The following PHF14 variants were observed in gnomAD, a reference collection of about 807,000 sequenced individuals.
PHF14 encodes the protein PHD finger protein 14.
In PHF14, 55 loss-of-function variants were observed where a neutral mutation model predicts 117.9. That is an observed-to-expected ratio of 0.47 (90% CI 0.38 to 0.58). PHF14 has a LOEUF of 0.58. Among genes scored for constraint, PHF14 ranks in the 20% least tolerant of loss-of-function variants. The pLI, the probability that PHF14 is intolerant of heterozygous loss-of-function variation, is 0.00. For synonymous variants in PHF14, 409 were observed against 368.6 expected (o/e 1.11, Z -1.26); for missense variants, 978 against 1,122.2 (o/e 0.87, Z 1.84).
rs115349983 is a variant in PHF14, at chr7:11,104,433, G to A, written c.2655-6917G>A. 2,153 of 958,328 alleles carry A rather than the reference G, an allele frequency of 2.2e-3. 36 individuals carry two copies. In the African/African-American group the frequency reaches 0.035, roughly 16 times the overall value. The allele number at this position is 958,328 out of a possible 1,614,324, so 59.4% of individuals were successfully genotyped here. The stretch of plus-strand genomic sequence containing the variant: ...CATATCCACAGTATAAAATTATTCC[G>A]TGTCCATAATCGGTCCAACTACTAT... On this transcript the variant is annotated intron_variant, in intron 16 of 17. Transcript: ENST00000634607.
intron 2 of PHF14, among the ~76,000 whole-genome samples, chr7:10,979,903 A>G (rs7792307): frequency 6.6e-6 from 1 of 152,116 alleles, no homozygotes; most frequent in Non-Finnish European, 1.5e-5. Flanking sequence ...TGGGTAAGCT[A>G]TTAGGAGTTG....
intron 4 of PHF14, among the ~76,000 whole-genome samples, chr7:10,995,188 A>G (rs894587846): frequency 2.0e-5 from 3 of 151,960 alleles, no homozygotes; most frequent in African/African-American, 7.3e-5. Flanking sequence ...TGTATTTACA[A>G]TCCCTTAGCT....
Position 11,042,657 on chromosome 7 carries a change from TCTTTACTTGCTGC to T in PHF14, c.2181-20_2181-8del. 6.6e-7 allele frequency: 1 copy of T among 1,506,178 alleles called. No homozygotes were observed. Among genetic ancestry groups the T allele is most frequent in the South Asian group, 1.3e-5 (1 of 78,726 alleles). 93.3% of individuals were successfully genotyped at this position (1,506,178 alleles called of 1,614,324 possible). ...TTCACTATGATAATTATTATTGAAA[TCTTTACTTGCTGC>T]CTTTATTAAAAGTTGTGGGATTTGT... On this transcript the variant is annotated splice_polypyrimidine_tract_variant and intron_variant, in intron 12 of 17. Coordinates refer to ENST00000634607, the MANE Select transcript of PHF14 (RefSeq NM_001007157.2).
At position 11,138,072 on chromosome 7, in the gene PHF14, C is replaced by G. The variant is rs541124614; in HGVS notation, c.2772+26605C>G. ...TTTTTTTTGAGACGGAGTCTTTGCT[C>G]TGTCACCCAGCAGGCTGGAGTGCAG... is the stretch of plus-strand genomic sequence containing the variant. On this transcript the variant is annotated intron_variant, in intron 17 of 17. Coordinates refer to ENST00000634607, the MANE Select transcript of PHF14 (RefSeq NM_001007157.2). Among the ~76,000 whole-genome samples the G allele has an allele frequency of 3.4e-5, 5 of 149,142 alleles. No homozygotes were observed. In the South Asian group the frequency reaches 8.4e-4, roughly 25 times the overall value.
chr7:11,115,760 C>G (rs1191797836), intron 17 of PHF14, among the ~76,000 whole-genome samples: 1 of 151,944 alleles, frequency 6.6e-6, no homozygotes, highest in Admixed American at 6.6e-5. Flanking sequence ...TTTCTTTTGT[C>G]TTGAATCTGG....
chr7:11,048,650 A>G (rs1028947438), intron 13 of PHF14, among the ~76,000 whole-genome samples: 4 of 152,218 alleles, frequency 2.6e-5, no homozygotes, highest in African/African-American at 9.6e-5. Context: ...ATTTCTTACC[A>G]TCTTGTGTAC....
At chr7:11,050,018 T>C (rs1178227044) in intron 13 of PHF14, among the ~76,000 whole-genome samples, 1 of 152,232 alleles carries the variant, frequency 6.6e-6, no homozygotes, top group Admixed American at 6.5e-5. Flanking sequence ...TATTCTTAAA[T>C]AATTGGAAAT....
chr7:11,133,118 G>T (rs1478414906), intron 17 of PHF14, among the ~76,000 whole-genome samples: 1 of 151,872 alleles, frequency 6.6e-6, no homozygotes, highest in Non-Finnish European at 1.5e-5. Flanking sequence ...TTTTCAAGAT[G>T]TCAGTTCTTT....
chr7:11,107,446 C>CT, intron 16 of PHF14: 1 of 819,224 alleles, frequency 1.2e-6, no homozygotes, highest in Non-Finnish European at 1.5e-6. Flanking sequence ...AATCTGATAG[C>CT]TAGGAAGTTG....
intron 16 of PHF14, chr7:11,106,934 A>G: frequency 1.0e-6 from 1 of 984,126 alleles, no homozygotes; most frequent in Non-Finnish European, 1.2e-6. Context: ...ATAAAAGATA[A>G]TGTGATTATC....
At chr7:11,018,258 A>T (rs10231114) in intron 5 of PHF14, among the ~76,000 whole-genome samples, 4 of 151,978 alleles carry the variant, frequency 2.6e-5, no homozygotes, top group Non-Finnish European at 5.9e-5. Flanking sequence ...TATACATTTT[A>T]GGATTATTTT....
intron 14 of PHF14, chr7:11,061,379 AG>A (rs1314087343): frequency 6.5e-6 from 1 of 152,960 alleles, no homozygotes; most frequent in Non-Finnish European, 1.5e-5. Flanking sequence ...GCATATATGT[AG>A]GCAAACAATG....
At chr7:11,141,413 A>G (rs1788392840) in intron 17 of PHF14, among the ~76,000 whole-genome samples, 1 of 152,042 alleles carries the variant, frequency 6.6e-6, no homozygotes, top group South Asian at 2.1e-4. Context: ...ATAGTATAGA[A>G]TCTGGTGCTC....
At chr7:11,059,552 G>C (rs1379551689) in intron 14 of PHF14, among the ~76,000 whole-genome samples, 1 of 152,160 alleles carries the variant, frequency 6.6e-6, no homozygotes, top group Non-Finnish European at 1.5e-5. Flanking sequence ...AAGGCAGGTG[G>C]ATCGCTTTAG....
chr7:11,091,146 T>G (rs1020018911), intron 16 of PHF14, among the ~76,000 whole-genome samples: 1 of 152,154 alleles, frequency 6.6e-6, no homozygotes, highest in African/African-American at 2.4e-5. Flanking sequence ...GAAGACCAGT[T>G]TGAGGGCTGT....
intron 4 of PHF14, among the ~76,000 whole-genome samples, chr7:10,996,561 T>C (rs979696767): frequency 6.6e-6 from 1 of 151,716 alleles, no homozygotes; most frequent in African/African-American, 2.4e-5. Flanking sequence ...GGACTTCAAG[T>C]ACACCACCAG....
chr7:11,122,426 C>CACGTATATATATAT (rs1356736064), intron 17 of PHF14, among the ~76,000 whole-genome samples: 1 of 124,786 alleles, frequency 8.0e-6, no homozygotes, highest in Non-Finnish European at 1.7e-5. Context: ...TATATATATA[C>CACGTATATATATAT]ACGTATATAT....
chr7:11,107,531 G>C, intron 16 of PHF14: 1 of 885,386 alleles, frequency 1.1e-6, no homozygotes, highest in Non-Finnish European at 1.4e-6. Flanking sequence ...GTGTTAATGT[G>C]TACAGTGTTT....
chr7:10,978,146 A>G (rs1355656835), intron 2 of PHF14, among the ~76,000 whole-genome samples: 1 of 152,170 alleles, frequency 6.6e-6, no homozygotes, highest in South Asian at 2.1e-4. Flanking sequence ...CTTTGGTGGT[A>G]TTTTGTGCTT....
Sources: allele counts gnomAD v4.1 joint callset (sites outside exome capture counted in the v4.1 genomes callset), GRCh38; gene constraint gnomAD v4.1.1; transcripts MANE v1.5; gene names NCBI Gene and HGNC (gene_info 2026-07-23, HGNC 2026-07-21).